The following APP variants were observed in gnomAD, a reference collection of about 807,000 sequenced individuals.
The protein encoded by APP is amyloid-beta precursor protein.
APP carries 31 observed loss-of-function variants against 101.4 expected under a neutral mutation model. The observed-to-expected ratio is 0.31, with a 90% CI of 0.23 to 0.41. The LOEUF (loss-of-function observed/expected upper bound fraction) is 0.41. APP is among the 10% of genes least tolerant of loss of function. The pLI, the probability that APP is intolerant of heterozygous loss-of-function variation, is 1.00. For missense variants in APP, 839 were observed against 1,003.7 expected (o/e 0.84, Z 2.22); for synonymous variants, 366 against 364.4 (o/e 1.00, Z -0.05).
At chr21:25,993,492 C>A (rs2042946440) in intron 8 of APP, among the ~76,000 whole-genome samples, 1 of 152,148 alleles carries the variant, frequency 6.6e-6, no homozygotes, top group Admixed American at 6.5e-5. Flanking sequence ...GCCACAGTAG[C>A]TTACATTAGA....
chr21:26,099,095 G>C (rs941217013), intron 2 of APP, among the ~76,000 whole-genome samples: 1 of 150,096 alleles, frequency 6.7e-6, no homozygotes, highest in Non-Finnish European at 1.5e-5. Flanking sequence ...TTAAAGCACT[G>C]AAAATTTAAA....
intron 5 of APP, among the ~76,000 whole-genome samples, chr21:26,027,056 G>A (rs909973802): frequency 6.6e-6 from 1 of 152,184 alleles, no homozygotes; most frequent in African/African-American, 2.4e-5. Context: ...TGTTAAGACG[G>A]ACTTTTTTCT....
chr21:25,929,653 C>T (rs923132838), intron 13 of APP, among the ~76,000 whole-genome samples: 3 of 152,008 alleles, frequency 2.0e-5, no homozygotes, highest in South Asian at 4.2e-4. Flanking sequence ...AAAAATGAAA[C>T]GTGAGGTTTG....
At chr21:26,113,276 T>C (rs1183933541) in intron 1 of APP, among the ~76,000 whole-genome samples, 1 of 152,202 alleles carries the variant, frequency 6.6e-6, no homozygotes, top group African/African-American at 2.4e-5. Context: ...CGATAACTTG[T>C]ATCATTCCTA....
intron 11 of APP, among the ~76,000 whole-genome samples, chr21:25,957,548 C>T (rs552034829): frequency 2.0e-5 from 3 of 152,262 alleles, no homozygotes; most frequent in Admixed American, 6.5e-5. Flanking sequence ...AGACTGGAGA[C>T]AGAAGGGGCT....
At chr21:26,133,716 G>A (rs1029162723) in intron 1 of APP, among the ~76,000 whole-genome samples, 1 of 152,060 alleles carries the variant, frequency 6.6e-6, no homozygotes, top group African/African-American at 2.4e-5. Context: ...AGGTTGCAGT[G>A]AGCCGAGATC....
At chr21:26,031,377 T>C (rs563460452) in intron 5 of APP, among the ~76,000 whole-genome samples, 1 of 152,272 alleles carries the variant, frequency 6.6e-6, no homozygotes, top group East Asian at 1.9e-4. Flanking sequence ...TCTCCCCCTC[T>C]TTTTTGGGAA....
intron 3 of APP, among the ~76,000 whole-genome samples, chr21:26,084,324 C>G (rs1484064414): frequency 6.6e-6 from 1 of 150,694 alleles, no homozygotes; most frequent in African/African-American, 2.5e-5. Flanking sequence ...CGGCAAGCTC[C>G]GCCTCCCGGG....
At chr21:26,160,338 A>C (rs886649471) in intron 1 of APP, among the ~76,000 whole-genome samples, 1 of 152,160 alleles carries the variant, frequency 6.6e-6, no homozygotes. Context: ...CCTCCACAAC[A>C]ACCATAGAAT....
intron 13 of APP, among the ~76,000 whole-genome samples, chr21:25,940,285 C>T (rs1421127285): frequency 6.6e-6 from 1 of 152,030 alleles, no homozygotes. Context: ...TATCAGGTGA[C>T]AAGCAGAAGT....
In APP at chr21:26,075,654, A is replaced by G. The variant is rs543639704; in HGVS notation, c.355+14289T>C. Among the ~76,000 whole-genome samples the G allele has an allele frequency of 9.8e-5, 15 of 152,346 alleles. No individual in the cohort carries two copies. The South Asian group carries it at 1.7e-3, about 17-fold the overall frequency. ...AAGCAGGTATCTTAGAGGTAACTTTAGCCTATTAATGACATGTGCAGTACA... is the reference window on the plus strand; with the variant it reads ...AAGCAGGTATCTTAGAGGTAACTTTGGCCTATTAATGACATGTGCAGTACA... On this transcript the variant is annotated intron_variant, in intron 3 of 17. Coordinates refer to ENST00000346798, the MANE Select transcript of APP (RefSeq NM_000484.4).
chr21:26,034,650 GAA>G (rs1330038404), intron 5 of APP, among the ~76,000 whole-genome samples: 1 of 36,612 alleles, frequency 2.7e-5, no homozygotes, highest in African/African-American at 5.9e-5. Flanking sequence ...AAAAAAAAAA[GAA>G]AAAGAAAAAG....
chr21:26,045,193 C>A (rs144353636), intron 5 of APP, among the ~76,000 whole-genome samples: 249 of 151,934 alleles, frequency 1.6e-3, no homozygotes, highest in African/African-American at 5.7e-3. Context: ...GGGAAGATGG[C>A]TATATTCTCT....
chr21:26,140,206 G>A (rs1406635292), intron 1 of APP: 6 of 1,536,120 alleles, frequency 3.9e-6, no homozygotes, highest in East Asian at 2.4e-5. Context: ...TGAATCTGGG[G>A]AAGAGCTGGC....
intron 13 of APP, among the ~76,000 whole-genome samples, chr21:25,950,252 C>T (rs2041008907): frequency 6.6e-6 from 1 of 152,118 alleles, no homozygotes; most frequent in African/African-American, 2.4e-5. Flanking sequence ...GGTTGTCACT[C>T]AAATGCCAGC....
chr21:25,989,491 A>G (rs1307944628), intron 8 of APP, among the ~76,000 whole-genome samples: 9 of 152,202 alleles, frequency 5.9e-5, no homozygotes, highest in African/African-American at 2.2e-4. Flanking sequence ...AGGACACAAA[A>G]GAAGAAATGA....
chr21:25,910,235 C>G (rs1268809028), intron 14 of APP, among the ~76,000 whole-genome samples: 1 of 151,688 alleles, frequency 6.6e-6, no homozygotes, highest in Non-Finnish European at 1.5e-5. Flanking sequence ...TCATGCCATT[C>G]TCCTGCCTCA....
chr21:26,017,771 C>T (rs895049534), intron 6 of APP, among the ~76,000 whole-genome samples: 1 of 152,182 alleles, frequency 6.6e-6, no homozygotes, highest in African/African-American at 2.4e-5. Context: ...AGTACAATCC[C>T]TTCTTGAAGA....
intron 5 of APP, among the ~76,000 whole-genome samples, chr21:26,023,103 G>A (rs1271166201): frequency 3.3e-5 from 5 of 152,162 alleles, no homozygotes; most frequent in Non-Finnish European, 7.3e-5. Context: ...CTGTGGTCAG[G>A]GATGCCTGCT....
Sources: allele counts gnomAD v4.1 joint callset (sites outside exome capture counted in the v4.1 genomes callset), GRCh38; gene constraint gnomAD v4.1.1; transcripts MANE v1.5; gene names NCBI Gene and HGNC (gene_info 2026-07-23, HGNC 2026-07-21).